CCSER1: variants seen among roughly 807,000 people sequenced by gnomAD.
The protein encoded by CCSER1 is coiled-coil serine rich protein 1.
CCSER1 carries 41 observed loss-of-function variants against 82.0 expected under a neutral mutation model. The ratio of observed to expected loss-of-function variants is 0.50; its 90% CI spans 0.39 to 0.65. CCSER1 has a LOEUF of 0.65. Ranked by LOEUF, CCSER1 falls within the 30% of genes least tolerant of loss-of-function variation. The pLI, the probability that CCSER1 is intolerant of heterozygous loss-of-function variation, is 0.00. For missense variants in CCSER1, 1,119 were observed against 1,064.2 expected (o/e 1.05, Z -0.72); for synonymous variants, 414 against 383.9 (o/e 1.08, Z -0.92).
At chr4:91,580,278 T>A (rs1315307771) in intron 10 of CCSER1, among the ~76,000 whole-genome samples, 3 of 151,878 alleles carry the variant, frequency 2.0e-5, no homozygotes, top group African/African-American at 7.2e-5. Context: ...GTTATAGACA[T>A]CATGTCCCTG....
At chr4:90,386,425 C>G (rs940571042) in intron 3 of CCSER1, among the ~76,000 whole-genome samples, 1 of 150,964 alleles carries the variant, frequency 6.6e-6, no homozygotes, top group African/African-American at 2.5e-5. Flanking sequence ...GTAAATGGTG[C>G]TGGGACAATT....
intron 8 of CCSER1, among the ~76,000 whole-genome samples, chr4:90,870,493 C>T (rs1051467894): frequency 4.0e-5 from 6 of 151,342 alleles, no homozygotes; most frequent in East Asian, 3.9e-4. Flanking sequence ...TGTATCACAT[C>T]GATTTGCATT....
chr4:90,644,493 A>G (rs969744388), intron 6 of CCSER1, among the ~76,000 whole-genome samples: 11 of 151,980 alleles, frequency 7.2e-5, no homozygotes, highest in Middle Eastern at 3.4e-3. Context: ...ACATTCCAGG[A>G]TATATGTGCA....
At chr4:91,489,011 T>C (rs1428879384) in intron 10 of CCSER1, among the ~76,000 whole-genome samples, 1 of 152,178 alleles carries the variant, frequency 6.6e-6, no homozygotes, top group Non-Finnish European at 1.5e-5. Context: ...TATTTTGTAA[T>C]CAGGAAAGAT....
intron 10 of CCSER1, among the ~76,000 whole-genome samples, chr4:91,468,521 T>C (rs904240492): frequency 1.3e-5 from 2 of 151,032 alleles, no homozygotes; most frequent in African/African-American, 2.4e-5. Flanking sequence ...AAAGGAAAAA[T>C]ATGGAGGTAA....
At chr4:91,352,868 G>C (rs1290061265) in intron 10 of CCSER1, among the ~76,000 whole-genome samples, 1 of 152,168 alleles carries the variant, frequency 6.6e-6, no homozygotes, top group Non-Finnish European at 1.5e-5. Flanking sequence ...CTCAGGACTG[G>C]TGTCTACTGG....
chr4:91,297,363 G>A (rs1171650868), intron 10 of CCSER1, among the ~76,000 whole-genome samples: 1 of 142,370 alleles, frequency 7.0e-6, no homozygotes, highest in Non-Finnish European at 1.5e-5. Context: ...GAGAATGGAT[G>A]CTTGTGTGTG....
chr4:91,455,155 A>G (rs1756086569), intron 10 of CCSER1, among the ~76,000 whole-genome samples: 1 of 152,100 alleles, frequency 6.6e-6, no homozygotes, highest in Admixed American at 6.6e-5. Context: ...ATTCCAAGTG[A>G]AAATAACACA....
chr4:90,875,042 T>C (rs1169480614), intron 8 of CCSER1, among the ~76,000 whole-genome samples: 1 of 151,998 alleles, frequency 6.6e-6, no homozygotes. Context: ...CGAGACTCCA[T>C]CTCAAAAAAC....
At chr4:91,564,880 C>A (rs1762810121) in intron 10 of CCSER1, among the ~76,000 whole-genome samples, 1 of 151,696 alleles carries the variant, frequency 6.6e-6, no homozygotes, top group African/African-American at 2.4e-5. Context: ...TCCCACTTGT[C>A]AATTTTTGCT....
chr4:91,550,087 G>T (rs186169115), intron 10 of CCSER1, among the ~76,000 whole-genome samples: 54 of 152,260 alleles, frequency 3.5e-4, no homozygotes, highest in Admixed American at 6.5e-4. Flanking sequence ...CTTCCTCCAG[G>T]TATGTCAGGC....
At chr4:91,035,642 T>A (rs1043470456) in intron 9 of CCSER1, among the ~76,000 whole-genome samples, 10 of 152,018 alleles carry the variant, frequency 6.6e-5, no homozygotes, top group South Asian at 2.1e-4. Flanking sequence ...TATCTTTTTT[T>A]AAAAAAAGCT....
At chr4:90,433,273 C>T (rs1027814354) in intron 4 of CCSER1, among the ~76,000 whole-genome samples, 54 of 152,134 alleles carry the variant, frequency 3.5e-4, no homozygotes, top group African/African-American at 1.1e-3. Flanking sequence ...GCTAAGTGTT[C>T]GGGCCACCCT....
chr4:90,261,093 T>A (rs930458451), intron 1 of CCSER1, among the ~76,000 whole-genome samples: 1 of 152,138 alleles, frequency 6.6e-6, no homozygotes, highest in Non-Finnish European at 1.5e-5. Flanking sequence ...CATTCAATGT[T>A]ATTATTGAGA....
At chr4:90,970,670 A>G (rs920040910) in intron 9 of CCSER1, among the ~76,000 whole-genome samples, 5 of 152,004 alleles carry the variant, frequency 3.3e-5, no homozygotes, top group Admixed American at 2.6e-4. Context: ...ACATCTTTCA[A>G]GATAGATTAT....
At chr4:91,223,981 A>G (rs1737950600) in intron 10 of CCSER1, among the ~76,000 whole-genome samples, 1 of 152,100 alleles carries the variant, frequency 6.6e-6, no homozygotes, top group African/African-American at 2.4e-5. Flanking sequence ...TTTATAACTA[A>G]AAGATTATTT....
intron 9 of CCSER1, among the ~76,000 whole-genome samples, chr4:91,032,600 G>A (rs1360175094): frequency 6.6e-6 from 1 of 152,214 alleles, no homozygotes; most frequent in East Asian, 1.9e-4. Flanking sequence ...TGACCAAGAA[G>A]TTAAGTAGAG....
At chr4:91,478,712 T>C (rs1287937944) in intron 10 of CCSER1, among the ~76,000 whole-genome samples, 1 of 151,954 alleles carries the variant, frequency 6.6e-6, no homozygotes, top group African/African-American at 2.4e-5. Context: ...TTTGAAGCTA[T>C]AAATATTTCA....
intron 10 of CCSER1, among the ~76,000 whole-genome samples, chr4:91,365,308 T>A (rs557602222): frequency 4.6e-5 from 7 of 152,192 alleles, no homozygotes; most frequent in Non-Finnish European, 1.0e-4. Flanking sequence ...TTAAGCAGAC[T>A]AGTAGTTAAG....
Sources: gnomAD v4.1 joint callset for allele counts (sites outside exome capture counted in the v4.1 genomes callset) on GRCh38, gnomAD v4.1.1 for gene constraint, MANE v1.5 for transcripts, NCBI Gene and HGNC (gene_info 2026-07-23, HGNC 2026-07-21) for gene names.